Variants in UNC13C observed in about 807,000 individuals in gnomAD.
UNC13C encodes the protein protein unc-13 homolog C.
In UNC13C, 174 loss-of-function variants were observed where a neutral mutation model predicts 245.4. The ratio of observed to expected loss-of-function variants is 0.71; its 90% CI spans 0.63 to 0.80. The LOEUF is 0.80. Ranked by LOEUF, UNC13C falls within the 30% of genes least tolerant of loss-of-function variation. The pLI is 0.00. For synonymous variants in UNC13C, 992 were observed against 895.1 expected, an observed-to-expected ratio of 1.11 and a Z score of -1.93; for missense variants, 2,829 against 2,602.9, an observed-to-expected ratio of 1.09 and a Z score of -1.89.
At chr15:54,143,986 G>T (rs1208687714) in intron 4 of UNC13C, among the ~76,000 whole-genome samples, 1 of 151,978 alleles carries the variant, frequency 6.6e-6, no homozygotes, top group East Asian at 1.9e-4. Context: ...TTATACAAAT[G>T]AATTCATATT....
At chr15:54,071,431 T>C (rs1898321673) in intron 2 of UNC13C, among the ~76,000 whole-genome samples, 1 of 152,166 alleles carries the variant, frequency 6.6e-6, no homozygotes, top group African/African-American at 2.4e-5. Flanking sequence ...GTGTAAAATA[T>C]GCATTTCACA....
rs1350767000 is a variant in UNC13C at position 54,264,063 on chromosome 15, G to T, written c.3449-105G>T. 5.2e-6 allele frequency: 6 copies of T among 1,153,858 alleles called. No homozygotes were observed. In the Admixed American group the frequency reaches 1.3e-4, roughly 26 times the overall value. The allele number at this position is 1,153,858 out of a possible 1,614,324, so 71.5% of individuals were successfully genotyped here. On this transcript the variant is annotated intron_variant, in intron 8 of 32. Coordinates refer to ENST00000260323, the MANE Select transcript of UNC13C (RefSeq NM_001080534.3). ...AAAAAGCCACCTGACTCCACAGAAT[G>T]AAAGCACTCATTCATTCTCACTTCC...
At chr15:54,571,502 C>T (rs2141222895) in intron 30 of UNC13C, among the ~76,000 whole-genome samples, 1 of 152,314 alleles carries the variant, frequency 6.6e-6, no homozygotes, top group Middle Eastern at 3.4e-3. Context: ...CAAACCATGT[C>T]ACGGTGTAAA....
intron 2 of UNC13C, among the ~76,000 whole-genome samples, chr15:54,131,634 G>C (rs7170578): frequency 0.37 from 55,889 of 151,998 alleles, 10,357 homozygotes; most frequent in Admixed American, 0.39. Flanking sequence ...AGTCATCTCC[G>C]TTATCACACC....
intron 25 of UNC13C, among the ~76,000 whole-genome samples, chr15:54,530,227 T>A (rs1895673165): frequency 6.6e-6 from 1 of 152,230 alleles, no homozygotes; most frequent in Admixed American, 6.5e-5. Flanking sequence ...ACATATCCAT[T>A]ATAAAATGAT....
intron 2 of UNC13C, among the ~76,000 whole-genome samples, chr15:54,066,067 G>C (rs1404655458): frequency 6.6e-6 from 1 of 152,190 alleles, no homozygotes. Flanking sequence ...TACTTCAGCA[G>C]TTTTAAACAA....
chr15:54,175,508 A>ATTTTTTTTTT (rs55925649), intron 4 of UNC13C, among the ~76,000 whole-genome samples: 10 of 105,986 alleles, frequency 9.4e-5, no homozygotes, highest in South Asian at 6.7e-4. Flanking sequence ...TGGCCCTAGA[A>ATTTTTTTTTT]TTTTTTTTTT....
chr15:54,418,794 G>T (rs547913065), intron 19 of UNC13C, among the ~76,000 whole-genome samples: 2 of 152,080 alleles, frequency 1.3e-5, no homozygotes, highest in Non-Finnish European at 2.9e-5. Context: ...CTCTAAACAC[G>T]TATCTCAGAA....
intron 2 of UNC13C, among the ~76,000 whole-genome samples, chr15:54,123,904 T>C (rs1332520299): frequency 6.6e-6 from 1 of 152,172 alleles, no homozygotes; most frequent in Non-Finnish European, 1.5e-5. Context: ...TTTTTATCTT[T>C]ATAATTTTGT....
chr15:53,851,400 G>A, the UNC13C span, among the ~76,000 whole-genome samples: 1 of 152,114 alleles, frequency 6.6e-6, no homozygotes, highest in Non-Finnish European at 1.5e-5. Context: ...TTTAGCCCCA[G>A]TTTTAATGCC....
At chr15:54,381,621 A>G (rs67810220) in intron 17 of UNC13C, among the ~76,000 whole-genome samples, 1 of 151,920 alleles carries the variant, frequency 6.6e-6, no homozygotes, top group Non-Finnish European at 1.5e-5. Context: ...GTCTTTTTAA[A>G]TTTCTTTTAT....
At chr15:54,172,987 A>T (rs1480615303) in intron 4 of UNC13C, among the ~76,000 whole-genome samples, 2 of 151,598 alleles carry the variant, frequency 1.3e-5, no homozygotes, top group Non-Finnish European at 3.0e-5. Context: ...TGGTTGAAAT[A>T]CTAGCATCTC....
intron 28 of UNC13C, among the ~76,000 whole-genome samples, chr15:54,552,669 C>CAATATAATATAAT (rs1555394121): frequency 1.4e-5 from 1 of 70,344 alleles, no homozygotes; most frequent in Non-Finnish European, 2.3e-5. Flanking sequence ...TTATATTGTA[C>CAATATAATATAAT]TATATAATAT....
At chr15:54,319,293 GAA>G (rs755621890) in intron 13 of UNC13C, among the ~76,000 whole-genome samples, 2 of 109,924 alleles carry the variant, frequency 1.8e-5, no homozygotes, top group Admixed American at 9.4e-5. Flanking sequence ...GTGAATTGTT[GAA>G]AAAAAAAAAA....
At chr15:54,214,638 G>A (rs551533782) in intron 4 of UNC13C, among the ~76,000 whole-genome samples, 307 of 152,020 alleles carry the variant, frequency 2.0e-3, no homozygotes, top group Middle Eastern at 0.01. Context: ...GGAATAAAGC[G>A]TTTCAGCTTT....
intron 30 of UNC13C, among the ~76,000 whole-genome samples, chr15:54,603,852 G>C (rs572671729): frequency 6.6e-6 from 1 of 152,094 alleles, no homozygotes; most frequent in African/African-American, 2.4e-5. Flanking sequence ...GACAGAGGGA[G>C]ACTCCAAAAA....
At chr15:54,010,471 A>G (rs1428488487) in intron 1 of UNC13C, among the ~76,000 whole-genome samples, 3 of 152,148 alleles carry the variant, frequency 2.0e-5, no homozygotes, top group Admixed American at 2.0e-4. Flanking sequence ...TGAAAGAGAC[A>G]TGTGAATAGA....
the UNC13C span, among the ~76,000 whole-genome samples, chr15:53,844,883 G>T: frequency 5.3e-5 from 8 of 152,174 alleles, no homozygotes; most frequent in African/African-American, 1.9e-4. Context: ...TGGACAAGGA[G>T]AGAGTGTTTG....
Position 54,532,940 on chromosome 15 carries a change from G to A in UNC13C, c.5570G>A (p.Cys1857Tyr), listed in dbSNP as rs920105016. ...AGTTTCCAGGTTATAATTGAAGAGT[G>A]TATAAAACAGATGAGTTTCGAACTA... The part of the protein sequence containing the change: ...GESFQVIIEE[C>Y]IKQMSFELNQ... The change falls in exon 26 of 33, where the codon TGT (cysteine) becomes TAT (tyrosine). Residue 1857 changes from cysteine (C) to tyrosine (Y), a missense_variant. Coordinates refer to ENST00000260323, the MANE Select transcript of UNC13C (RefSeq NM_001080534.3). 13 of 1,570,864 alleles carry A rather than the reference G, an allele frequency of 8.3e-6. No homozygotes were observed. Among genetic ancestry groups the A allele is most frequent in the Admixed American group, 1.8e-5 (1 of 56,504 alleles).
Sources: allele counts gnomAD v4.1 joint callset (sites outside exome capture counted in the v4.1 genomes callset), GRCh38; gene constraint gnomAD v4.1.1; transcripts MANE v1.5; gene names NCBI Gene and HGNC (gene_info 2026-07-23, HGNC 2026-07-21).